The following NRAP variants were observed in gnomAD, a reference collection of about 807,000 sequenced individuals.
NRAP encodes nebulin-related-anchoring protein.
NRAP carries 189 observed loss-of-function variants against 225.9 expected under a neutral mutation model. The observed-to-expected ratio is 0.84, with a 90% CI of 0.74 to 0.94. NRAP has a LOEUF of 0.94. NRAP is among the 40% of genes least tolerant of loss of function. The pLI is 0.00. For missense variants in NRAP, 2,176 were observed against 2,168.7 expected (o/e 1.00, Z -0.07); for synonymous variants, 769 against 790.7 (o/e 0.97, Z 0.46).
chr10:113,649,943 G>T lies in NRAP; in HGVS notation c.888+94C>A, dbSNP rs549535619. The T allele has an allele frequency of 4.5e-5, 33 of 736,960 alleles. 1 individual carries two copies. In the South Asian group the frequency reaches 5.2e-4, roughly 12 times the overall value. The allele number at this position is 736,960 out of a possible 1,614,324, so 45.7% of individuals were successfully genotyped here. A position where few individuals can be genotyped will look rare whatever the true frequency, so the allele number is the denominator to read the frequency against. ...ATAAAAAAGGTAAAGATAAACCAAA[G>T]CCCCACCCCTGATTAAATTGTCATA... is the stretch of plus-strand genomic sequence containing the variant. On this transcript the variant is annotated intron_variant, in intron 9 of 41. Coordinates refer to ENST00000359988, the MANE Select transcript of NRAP (RefSeq NM_198060.4).
At position 113,589,683 on chromosome 10, in the gene NRAP, C is replaced by A. The variant is rs878901087; in HGVS notation, c.5071G>T (p.Gly1691Cys). The A allele has an allele frequency of 6.2e-7, 1 of 1,614,100 alleles. No homozygotes were observed. Among genetic ancestry groups the A allele is most frequent in the Non-Finnish European group, 8.5e-7 (1 of 1,180,012 alleles). ...CTACTCACGTAAGCTCCCTGGAGAC[C>A]CAGGCCCCTTGCGTTGGCCAGTTCC... ...AAELANARGL[G>C]LQGAYRGAEA... is the part of the protein sequence containing the mutation. The change falls in exon 41 of 42, where the codon GGT becomes TGT. Residue 1691 changes from glycine (G) to cysteine (C), a missense_variant. Gly to Cys is a radical substitution (Grantham distance 159, BLOSUM62 -3). Transcript: ENST00000359988.
intron 18 of NRAP, among the ~76,000 whole-genome samples, chr10:113,630,026 T>A (rs1339022229): frequency 6.6e-6 from 1 of 152,138 alleles, no homozygotes; most frequent in African/African-American, 2.4e-5. Context: ...CTAAACCTTT[T>A]CACCCGGCTG....
At chr10:113,621,171 TG>T (rs943921915) in intron 24 of NRAP, among the ~76,000 whole-genome samples, 1 of 152,056 alleles carries the variant, frequency 6.6e-6, no homozygotes, top group Non-Finnish European at 1.5e-5. Context: ...GCCACCTCAG[TG>T]GGGGGGCAGG....
chr10:113,588,839 A>AGTT lies in NRAP; in HGVS notation c.*133_*135dup. 2.9e-6 allele frequency: 2 copies of AGTT among 696,230 alleles called. No homozygotes were observed. Among genetic ancestry groups the AGTT allele is most frequent in the Non-Finnish European group, 5.1e-6 (2 of 389,644 alleles). 43.1% of individuals were successfully genotyped at this position (696,230 alleles called of 1,614,324 possible). A position where few individuals can be genotyped will look rare whatever the true frequency, so the allele number is the denominator to read the frequency against. ...TACAACATTCTCCATCTGCTTTCAG[A>AGTT]GTTATTATTTTAATAAAGGAAGATC... On this transcript the variant is annotated 3_prime_UTR_variant, in exon 42 of 42. Coordinates refer to ENST00000359988, the MANE Select transcript of NRAP (RefSeq NM_198060.4).
Position 113,588,837 on chromosome 10 carries a change from A to C in NRAP, c.*138T>G. The C allele has an allele frequency of 1.4e-6, 1 of 693,012 alleles. No individual in the cohort carries two copies. The allele number at this position is 693,012 out of a possible 1,614,324, so 42.9% of individuals were successfully genotyped here. A position where few individuals can be genotyped will look rare whatever the true frequency, so the allele number is the denominator to read the frequency against. On this transcript the variant is annotated 3_prime_UTR_variant, in exon 42 of 42. Transcript: ENST00000359988. ...AATACAACATTCTCCATCTGCTTTC[A>C]GAGTTATTATTTTAATAAAGGAAGA...
intron 3 of NRAP, 127 bp from the exon 4 acceptor site, chr10:113,657,701 CAAGGCACACTGTGCTGT>C: frequency 1.5e-6 from 1 of 669,024 alleles, no homozygotes; most frequent in Admixed American, 2.4e-5. Context: ...CACTGTGCTG[CAAGGCACACTGTGCTGT>C]CAGTCTCCCT....
intron 17 of NRAP, 121 bp downstream of exon 17, chr10:113,631,733 CAGA>C (rs1348132280): frequency 2.0e-5 from 18 of 897,842 alleles, no homozygotes; most frequent in East Asian, 7.3e-5. Context: ...TTCACAAATC[CAGA>C]AGAAGATTAA....
rs760247361 is a variant in NRAP, at chr10:113,645,811, T to TC, written c.1110+13dup. 6.2e-6 allele frequency: 8 copies of TC among 1,286,020 alleles called. No homozygotes were observed. The East Asian group carries it at 1.9e-4, about 30-fold the overall frequency. 79.7% of individuals were successfully genotyped at this position (1,286,020 alleles called of 1,614,324 possible). A position where few individuals can be genotyped will look rare whatever the true frequency, so the allele number is the denominator to read the frequency against. On this transcript the variant is annotated intron_variant, in intron 11 of 41. Transcript: ENST00000359988. ...AGGTGATGCTCATGGGTGTGACTCT[T>TC]CCCCCATACGCACCTCACTCACGAG...
chr10:113,633,180 G>A lies in NRAP; in HGVS notation c.1536C>T (p.Tyr512=). 4 of 1,565,004 alleles carry A rather than the reference G, an allele frequency of 2.6e-6. No individual in the cohort carries two copies. In the South Asian group the frequency reaches 4.4e-5, roughly 17 times the overall value. The change falls in exon 16 of 42, where the codon TAC becomes TAT. Residue 512 remains tyrosine (Y), a synonymous_variant. Transcript: ENST00000359988. ...INAQQLSHVN[Y]RADYEKNKLN... ...ACTTATTTTTCTCATAGTCAGCACG[G>A]TAATTCACCTGTTGGATTTAAAATA...
Position 113,625,521 on chromosome 10 carries a change from A to G in NRAP, c.2244+526T>C, listed in dbSNP as rs76737113. Among the ~76,000 whole-genome samples, 65 of 152,304 alleles carry G rather than the reference A, an allele frequency of 4.3e-4. 2 individuals carry two copies. In the East Asian group the frequency reaches 0.012, roughly 29 times the overall value. On this transcript the variant is annotated intron_variant, in intron 21 of 41. Coordinates refer to ENST00000359988, the MANE Select transcript of NRAP (RefSeq NM_198060.4). ...GTTGATAGTATCCTTTCTGGCAGGT[A>G]TATCTTACCTGGACCTTTAGGAAGG...
At chr10:113,592,932 C>A (rs2133828425) in intron 38 of NRAP, among the ~76,000 whole-genome samples, 1 of 152,290 alleles carries the variant, frequency 6.6e-6, no homozygotes, top group Non-Finnish European at 1.5e-5. Context: ...TTCATTTTTT[C>A]CCTTTTCAAG....
At chr10:113,598,924 C>T (rs573044564) in intron 35 of NRAP, among the ~76,000 whole-genome samples, 1 of 152,214 alleles carries the variant, frequency 6.6e-6, no homozygotes, top group Admixed American at 6.5e-5. Flanking sequence ...GTGGGTCTGA[C>T]TGGTAGCCTT....
intron 15 of NRAP, 33 bp from the exon 16 acceptor site, chr10:113,633,221 T>C (rs1232616732): frequency 8.0e-6 from 10 of 1,246,894 alleles, no homozygotes; most frequent in Non-Finnish European, 1.2e-5. Flanking sequence ...GTAGGGTTTT[T>C]ATATGGGCAG....
chr10:113,614,693 C>G (rs1483639988), intron 28 of NRAP, 146 bp downstream of exon 28: 1 of 633,006 alleles, frequency 1.6e-6, no homozygotes, highest in South Asian at 1.9e-5. Flanking sequence ...TTCTTTCTCA[C>G]TGGTCATTAT....
At chr10:113,593,136 G>C (rs552772822) in intron 38 of NRAP, among the ~76,000 whole-genome samples, 1 of 152,262 alleles carries the variant, frequency 6.6e-6, no homozygotes, top group African/African-American at 2.4e-5. Context: ...TTCAGCCACA[G>C]AGAAGGGAGA....
rs561350092 is a variant in NRAP at position 113,649,961 on chromosome 10, T to C, written c.888+76A>G. ...AACCAAAGCCCCACCCCTGATTAAA[T>C]TGTCATAGCTGTGTCACAGCCTAGA... On this transcript the variant is annotated intron_variant, in intron 9 of 41. Coordinates refer to ENST00000359988, the MANE Select transcript of NRAP (RefSeq NM_198060.4). The C allele has an allele frequency of 8.5e-6, 7 of 818,720 alleles. No homozygotes were observed. The East Asian group carries it at 1.5e-4, about 17-fold the overall frequency. 50.7% of individuals were successfully genotyped at this position (818,720 alleles called of 1,614,324 possible). A position where few individuals can be genotyped will look rare whatever the true frequency, so the allele number is the denominator to read the frequency against.
intron 16 of NRAP, 55 bp downstream of exon 16, chr10:113,633,029 T>C (rs2134045759): frequency 1.1e-6 from 1 of 921,966 alleles, no homozygotes; most frequent in Non-Finnish European, 1.8e-6. Flanking sequence ...CTGTTATCTT[T>C]GTTTTCACAT....
intron 26 of NRAP, among the ~76,000 whole-genome samples, chr10:113,617,001 G>A (rs1387422015): frequency 6.6e-6 from 1 of 152,100 alleles, no homozygotes; most frequent in Non-Finnish European, 1.5e-5. Context: ...TTAGTCTGAT[G>A]TATATAAATC....
chr10:113,615,873 G>T, intron 26 of NRAP, 57 bp from the exon 27 acceptor site: 1 of 969,414 alleles, frequency 1.0e-6, no homozygotes, highest in Non-Finnish European at 1.6e-6. Context: ...GCAGCCATCA[G>T]CCAGGTTACG....
Sources: allele counts gnomAD v4.1 joint callset (sites outside exome capture counted in the v4.1 genomes callset), GRCh38; gene constraint gnomAD v4.1.1; transcripts MANE v1.5; gene names NCBI Gene and HGNC (gene_info 2026-07-23, HGNC 2026-07-21).